Variants in TUBB8 observed in about 807,000 individuals in gnomAD.
TUBB8 encodes the protein tubulin beta 8 class VIII.
A neutral mutation model predicts 33.7 loss-of-function variants in TUBB8; 25 were observed. That is an observed-to-expected ratio of 0.74 (90% CI 0.54 to 1.04). TUBB8 has a LOEUF of 1.04. Among genes scored for constraint, TUBB8 ranks in the 50% least tolerant of loss-of-function variants. The pLI is 0.00. For synonymous variants in TUBB8, 245 were observed against 240.1 expected, an observed-to-expected ratio of 1.02 and a Z score of -0.19; for missense variants, 279 against 608.0, an observed-to-expected ratio of 0.46 and a Z score of 5.69.
At chr10:72,898 G>A (rs1458528642) in intron 1 of TUBB8, among the ~76,000 whole-genome samples, 2 of 150,936 alleles carry the variant, frequency 1.3e-5, no homozygotes, top group Non-Finnish European at 2.9e-5. Context: ...AAAAGACACC[G>A]CAGGGCCATA....
At chr10:70,196 G>A (rs1342680539) in intron 1 of TUBB8, among the ~76,000 whole-genome samples, 3 of 152,072 alleles carry the variant, frequency 2.0e-5, no homozygotes, top group African/African-American at 7.2e-5. Context: ...ATAAGAAATT[G>A]TTTAATATAA....
At chr10:49,016 C>T (rs1588272640) in intron 1 of TUBB8, 104 bp from the exon 2 acceptor site, 12 of 1,235,272 alleles carry the variant, frequency 9.7e-6, no homozygotes, top group East Asian at 5.3e-5. Flanking sequence ...CCTAGGCCGC[C>T]CTGTCCCTGG....
intron 1 of TUBB8, among the ~76,000 whole-genome samples, chr10:61,954 C>G (rs1464340297): frequency 4.6e-5 from 7 of 151,736 alleles, no homozygotes; most frequent in African/African-American, 1.7e-4. Flanking sequence ...ATAACTTTTT[C>G]CATCGTTTTA....
rs1834709254 is a variant in TUBB8 at position 69,405 on chromosome 10, C to T, written c.-846+4564G>A. Among the ~76,000 whole-genome samples the T allele has an allele frequency of 4.6e-5, 7 of 151,968 alleles. No individual in the cohort carries two copies. The South Asian group carries it at 1.5e-3, about 32-fold the overall frequency. On this transcript the variant is annotated intron_variant, in intron 1 of 3. Coordinates refer to the TUBB8 transcript ENST00000564130. ...CACTGTCCAGCAAAATCCCTAAAGTCACAGCAGGTGTGGTATCTAACAGTA... is the reference window on the plus strand; with the variant it reads ...CACTGTCCAGCAAAATCCCTAAAGTTACAGCAGGTGTGGTATCTAACAGTA...
upstream of TUBB8, among the ~76,000 whole-genome samples, chr10:52,317 G>C (rs1289504837): frequency 1.3e-5 from 2 of 152,318 alleles, no homozygotes; most frequent in African/African-American, 4.8e-5. Context: ...TGGGGGTCTT[G>C]TCTTGGTGTC....
chr10:51,542 A>G (rs1364365979), upstream of TUBB8, among the ~76,000 whole-genome samples: 2 of 152,180 alleles, frequency 1.3e-5, no homozygotes, highest in African/African-American at 2.4e-5. Context: ...TTCTTTATAA[A>G]TTACCCAGCC....
intron 1 of TUBB8, among the ~76,000 whole-genome samples, chr10:72,209 G>A (rs1285623595): frequency 6.7e-6 from 1 of 149,332 alleles, no homozygotes; most frequent in African/African-American, 2.5e-5. Context: ...TGGGCAACAG[G>A]AGCTAAACTC....
chr10:59,621 T>G (rs1310991455), intron 1 of TUBB8, among the ~76,000 whole-genome samples: 1 of 152,236 alleles, frequency 6.6e-6, no homozygotes, highest in Non-Finnish European at 1.5e-5. Context: ...TTTACTAGGT[T>G]TTTTGCAAAT....
At chr10:71,785 C>G (rs1160060003) in intron 1 of TUBB8, among the ~76,000 whole-genome samples, 5 of 151,644 alleles carry the variant, frequency 3.3e-5, no homozygotes, top group African/African-American at 1.2e-4. Context: ...TGGCTGGTGC[C>G]TATAGTCCAA....
chr10:57,440 T>C, intron 1 of TUBB8, among the ~76,000 whole-genome samples: 1 of 152,276 alleles, frequency 6.6e-6, no homozygotes, highest in Non-Finnish European at 1.5e-5. Flanking sequence ...CCCTGCAGCA[T>C]GCTTCTGCCT....
chr10:50,563 C>T (rs374136239), upstream of TUBB8, among the ~76,000 whole-genome samples: 1 of 151,466 alleles, frequency 6.6e-6, no homozygotes, highest in Non-Finnish European at 1.5e-5. Context: ...ATTAATTATA[C>T]TCACTTTTTG....
At chr10:68,698 C>T (rs1408607076) in intron 1 of TUBB8, among the ~76,000 whole-genome samples, 1 of 152,212 alleles carries the variant, frequency 6.6e-6, no homozygotes, top group Non-Finnish European at 1.5e-5. Flanking sequence ...GTTACAGCAA[C>T]TCCACACAAA....
At chr10:58,482 T>G (rs1834560140) in intron 1 of TUBB8, among the ~76,000 whole-genome samples, 1 of 152,344 alleles carries the variant, frequency 6.6e-6, no homozygotes, top group South Asian at 2.1e-4. Context: ...AAAAGGAGGT[T>G]TAAGTGGCTC....
At chr10:48,478 G>A (rs1372884914) in intron 3 of TUBB8, 137 bp downstream of exon 3, 9 of 834,382 alleles carry the variant, frequency 1.1e-5, no homozygotes, top group African/African-American at 5.0e-5. Flanking sequence ...GAGGCAGATT[G>A]AGCGACTCGA....
At chr10:74,325 AACGCATGGAG>A (rs1834780394), upstream of TUBB8, among the ~76,000 whole-genome samples, 1 of 151,582 alleles carries the variant, frequency 6.6e-6, no homozygotes, top group South Asian at 2.1e-4. Context: ...CCTTGACCGG[AACGCATGGAG>A]ATAGCAATCG....
At chr10:48,158 T>C in intron 3 of TUBB8, 44 bp from the exon 4 acceptor site, 1 of 1,171,518 alleles carries the variant, frequency 8.5e-7, no homozygotes, top group Non-Finnish European at 1.3e-6. Flanking sequence ...AGGTATACGG[T>C]CATCAGTGGT....
chr10:47,088 T>A lies in TUBB8; in HGVS notation c.1304A>T (p.Asp435Val). Residue 435 changes from aspartate (D) to valine (V), a missense_variant, in exon 4 of 4, where the codon GAT (aspartate) becomes GTT (valine). Physicochemically the swap from Asp to Val is radical, Grantham distance 152. Coordinates refer to ENST00000568584, the MANE Select transcript of TUBB8 (RefSeq NM_177987.3). ...YQDATAEEEE[D>V]EEYAEEEVA is the part of the protein sequence containing the mutation. ...CACCTCCTCCTCGGCATACTCCTCA[T>A]CCTCCTCCTCCTCGGCCGTGGCATC... is the stretch of plus-strand genomic sequence containing the variant. 1 of 1,317,348 alleles carries A rather than the reference T, an allele frequency of 7.6e-7. No homozygotes were observed. The highest frequency in any genetic ancestry group is 1.2e-5 in the South Asian group (1 of 83,122). 81.6% of individuals were successfully genotyped at this position (1,317,348 alleles called of 1,614,324 possible). A position where few individuals can be genotyped will look rare whatever the true frequency, so the allele number is the denominator to read the frequency against.
At chr10:66,635 C>A (rs1259497043) in intron 1 of TUBB8, among the ~76,000 whole-genome samples, 2 of 152,278 alleles carry the variant, frequency 1.3e-5, no homozygotes, top group East Asian at 1.9e-4. Context: ...GCCAACAGGG[C>A]AAAACCATGC....
intron 1 of TUBB8, among the ~76,000 whole-genome samples, chr10:72,254 T>TAAA (rs34999592): frequency 1.7e-3 from 215 of 124,976 alleles, no homozygotes; most frequent in African/African-American, 4.8e-3. Context: ...TTTTTTTAAT[T>TAAA]AAAAAAAAAA....
Sources: gnomAD v4.1 joint callset for allele counts (sites outside exome capture counted in the v4.1 genomes callset) on GRCh38, gnomAD v4.1.1 for gene constraint, MANE v1.5 for transcripts, NCBI Gene and HGNC (gene_info 2026-07-23, HGNC 2026-07-21) for gene names.